SBF1: variants seen among roughly 807,000 people sequenced by gnomAD.
The protein encoded by SBF1 is myotubularin-related protein 5.
Under a neutral mutation model 215.8 loss-of-function variants are expected in SBF1, and 65 were observed. The observed-to-expected ratio is 0.30, with a 90% CI of 0.25 to 0.37. The LOEUF is 0.37. SBF1 is among the 10% of genes least tolerant of loss of function. The pLI is 1.00. For synonymous variants in SBF1, 1,410 were observed against 1,122.8 expected (o/e 1.26, Z -5.11); for missense variants, 2,634 against 2,667.8 (o/e 0.99, Z 0.28).
In SBF1 at chr22:50,446,526, G is replaced by A. The variant is rs2148546047; in HGVS notation, c.*616C>T. ...GGTCAGCTTCTGCATCCCCTGGGTA[G>A]GGATGGGGGCTTCCTCTCCAGCCGT... On this transcript the variant is annotated 3_prime_UTR_variant, in exon 41 of 41. Transcript: ENST00000380817. The A allele has an allele frequency of 3.8e-6, 1 of 263,350 alleles. No individual in the cohort carries two copies. Among genetic ancestry groups the A allele is most frequent in the South Asian group, 3.8e-5 (1 of 25,988 alleles). The allele number at this position is 263,350 out of a possible 1,614,324, so 16.3% of individuals were successfully genotyped here. A position where few individuals can be genotyped will look rare whatever the true frequency, so the allele number is the denominator to read the frequency against.
rs370648862 is a variant in SBF1, at chr22:50,465,136, G to A, written c.1204-7C>T. ...GCTGGCCCAGGAAGGCTGCCTGGAT[G>A]ACAGAAGGAGGTCGGTCCCTCAGGG... On this transcript the variant is annotated splice_polypyrimidine_tract_variant and splice_region_variant and intron_variant, in intron 11 of 40. Transcript: ENST00000380817. 5.6e-6 allele frequency: 9 copies of A among 1,613,982 alleles called. No individual in the cohort carries two copies. Among genetic ancestry groups the A allele is most frequent in the Non-Finnish European group, 6.8e-6 (8 of 1,179,980 alleles).
At position 50,460,412 on chromosome 22, in the gene SBF1, A is replaced by G. The variant is rs1012792442; in HGVS notation, c.3147-4T>C. On this transcript the variant is annotated splice_polypyrimidine_tract_variant and splice_region_variant and intron_variant, in intron 24 of 40. Coordinates refer to ENST00000380817, the MANE Select transcript of SBF1 (RefSeq NM_002972.4). The stretch of plus-strand genomic sequence containing the variant: ...GACCAGGTTCCGGGACAGGGTTCTG[A>G]GGCCCACGAGAGTCAGCAAAGGTGA... 1 of 1,608,304 alleles carries G rather than the reference A, an allele frequency of 6.2e-7. No homozygotes were observed. The highest frequency in any genetic ancestry group is 8.5e-7 in the Non-Finnish European group (1 of 1,176,414).
Position 50,448,442 on chromosome 22 carries a change from G to C in SBF1, c.5154C>G (p.Gly1718=). 1 of 1,613,566 alleles carries C rather than the reference G, an allele frequency of 6.2e-7. No individual in the cohort carries two copies. The highest frequency in any genetic ancestry group is 8.5e-7 in the Non-Finnish European group (1 of 1,179,852). ...TGGACACAAGGAGGGAGCTAGGGGT[G>C]CCCTGGGAACAGGAGGTTGGGACTT... ...QRLEGRPDGR[G]TPSSLLVSTA... is the part of the protein sequence containing the mutation. The change falls in exon 38 of 41, where the codon GGC becomes GGG. Residue 1718 remains glycine (G), a splice_region_variant and synonymous_variant. Transcript: ENST00000380817.
chr22:50,473,680 G>A (rs1031412464), intron 1 of SBF1, among the ~76,000 whole-genome samples: 1 of 152,096 alleles, frequency 6.6e-6, no homozygotes, highest in African/African-American at 2.4e-5. Context: ...TCCTTGGTGG[G>A]GACAGTGACA....
chr22:50,454,483 G>A (rs377054797), intron 36 of SBF1, 29 bp downstream of exon 36: 10 of 1,576,610 alleles, frequency 6.3e-6, no homozygotes, highest in Middle Eastern at 3.4e-4. Flanking sequence ...GGGGTGCCAG[G>A]CCAGACCCTG....
At chr22:50,464,257 A>C in intron 15 of SBF1, 72 bp downstream of exon 15, 1 of 1,275,496 alleles carries the variant, frequency 7.8e-7, no homozygotes, top group South Asian at 1.3e-5. Flanking sequence ...AGCACTCACA[A>C]GGGTGAAGTG....
In SBF1 at chr22:50,455,586, C is replaced by G. The variant is rs2067214817; in HGVS notation, c.4267-4G>C. 6.4e-6 allele frequency: 10 copies of G among 1,565,768 alleles called. No homozygotes were observed. Among genetic ancestry groups the G allele is most frequent in the Non-Finnish European group, 8.7e-6 (10 of 1,155,334 alleles). On this transcript the variant is annotated splice_region_variant and splice_polypyrimidine_tract_variant and intron_variant, in intron 31 of 40. Coordinates refer to ENST00000380817, the MANE Select transcript of SBF1 (RefSeq NM_002972.4). ...ACACCTGCAGCAGCTTGTGGATCTG[C>G]AGGGACAGGCGGCCTCAGCACCTCG...
intron 15 of SBF1, among the ~76,000 whole-genome samples, 185 bp from the exon 16 acceptor site, chr22:50,463,617 A>C (rs1335884447): frequency 1.3e-5 from 2 of 152,220 alleles, no homozygotes; most frequent in Non-Finnish European, 2.9e-5. Context: ...CACAAGTACA[A>C]GTTCACCAGG....
chr22:50,468,388 C>T lies in SBF1; in HGVS notation c.129G>A (p.Gln43=). ...EKDWEDNPFP[Q]GIELFCQPSG... is the part of the protein sequence containing the mutation. ...GCCCCCAACTCACCAGCTCGATGCC[C>T]TGGGGGAATGGGTTGTCCTCCCAGT... The change falls in exon 2 of 41, where the codon CAG becomes CAA. Residue 43 remains glutamine (Q), a synonymous_variant. Transcript: ENST00000380817. The T allele has an allele frequency of 1.2e-6, 2 of 1,613,096 alleles. No individual in the cohort carries two copies. Among genetic ancestry groups the T allele is most frequent in the Non-Finnish European group, 1.7e-6 (2 of 1,179,484 alleles).
intron 1 of SBF1, among the ~76,000 whole-genome samples, 184 bp downstream of exon 1, chr22:50,474,602 C>G (rs2068108899): frequency 6.6e-6 from 1 of 151,034 alleles, no homozygotes; most frequent in South Asian, 2.1e-4. Flanking sequence ...CTCCCCCGAC[C>G]CCGGCCCTCA....
Position 50,455,502 on chromosome 22 carries a change from A to G in SBF1, c.4347T>C (p.Asp1449=), listed in dbSNP as rs776566191. 6.2e-7 allele frequency: 1 copy of G among 1,608,224 alleles called. No individual in the cohort carries two copies. Among genetic ancestry groups the G allele is most frequent in the South Asian group, 1.1e-5 (1 of 90,436 alleles). ...SGSSVLVGLE[D]GWDITTQVVS... ...ACACCTGGGTGGTGATGTCCCAGCCATCCTCCAGGCCCACCAGCACGGAGG... is the reference window on the plus strand; with the variant it reads ...ACACCTGGGTGGTGATGTCCCAGCCGTCCTCCAGGCCCACCAGCACGGAGG... The change falls in exon 32 of 41, where the codon GAT becomes GAC. Residue 1449 remains aspartate, a synonymous_variant. Transcript: ENST00000380817.
At position 50,461,551 on chromosome 22, in the gene SBF1, G is replaced by A. The variant is rs1211813129; in HGVS notation, c.2811C>T (p.Ile937=). Residue 937 remains isoleucine, a synonymous_variant, in exon 22 of 41, where the codon ATC becomes ATT. Coordinates refer to ENST00000380817, the MANE Select transcript of SBF1 (RefSeq NM_002972.4). ...GGGGGTCCGTGGGCATCCCCGTGAA[G>A]ATGACCCGGTACGTGGTGAGGAAGA... ...GAVFLTTYRV[I]FTGMPTDPLV... The A allele has an allele frequency of 4.4e-6, 7 of 1,606,108 alleles. No homozygotes were observed. The South Asian group carries it at 7.7e-5, about 18-fold the overall frequency.
chr22:50,451,570 A>C (rs761742991), intron 36 of SBF1, among the ~76,000 whole-genome samples: 2 of 152,156 alleles, frequency 1.3e-5, no homozygotes, highest in Non-Finnish European at 1.5e-5. Context: ...AATGGCTTGA[A>C]ATGTATTAAA....
chr22:50,452,244 A>G (rs1314232120), intron 36 of SBF1, among the ~76,000 whole-genome samples: 4 of 152,148 alleles, frequency 2.6e-5, no homozygotes, highest in African/African-American at 9.7e-5. Context: ...CAGATAAACA[A>G]AAGCTGAGGG....
intron 5 of SBF1, 63 bp downstream of exon 5, chr22:50,467,275 C>A (rs1275746010): frequency 1.4e-6 from 2 of 1,400,402 alleles, no homozygotes; most frequent in Non-Finnish European, 2.0e-6. Context: ...GCTCCAAATA[C>A]CTACCAGGGC....
intron 28 of SBF1, among the ~76,000 whole-genome samples, chr22:50,457,590 G>A (rs1167474006): frequency 1.3e-5 from 2 of 152,244 alleles, no homozygotes; most frequent in Admixed American, 6.5e-5. Context: ...GAGGCTTCCC[G>A]AAGAGGGGAG....
chr22:50,451,236 G>A (rs1219932414), intron 36 of SBF1, among the ~76,000 whole-genome samples: 1 of 149,392 alleles, frequency 6.7e-6, no homozygotes, highest in Non-Finnish European at 1.5e-5. Context: ...GGCAACTCAA[G>A]AGGCTGAATG....
Position 50,466,133 on chromosome 22 carries a change from C to T in SBF1, c.897+17G>A. Reference sequence around the variant, plus strand: ...GCAGGCCTGGGCCGTGAGGTGGACACAAAGCACAGCCCTTACCAGCTCCTG... The same window carrying T: ...GCAGGCCTGGGCCGTGAGGTGGACATAAAGCACAGCCCTTACCAGCTCCTG... On this transcript the variant is annotated intron_variant, in intron 8 of 40. Transcript: ENST00000380817. The T allele has an allele frequency of 6.2e-7, 1 of 1,613,522 alleles. No individual in the cohort carries two copies. The highest frequency in any genetic ancestry group is 1.3e-5 in the African/African-American group (1 of 75,068).
At chr22:50,467,476 G>A (rs2067818113) in intron 4 of SBF1, 28 bp from the exon 5 acceptor site, 1 of 1,613,836 alleles carries the variant, frequency 6.2e-7, no homozygotes, top group Non-Finnish European at 8.5e-7. Context: ...GGGAGTGGTG[G>A]GACAGCCGAT....
Sources: gnomAD v4.1 joint callset for allele counts (sites outside exome capture counted in the v4.1 genomes callset) on GRCh38, gnomAD v4.1.1 for gene constraint, MANE v1.5 for transcripts, NCBI Gene and HGNC (gene_info 2026-07-23, HGNC 2026-07-21) for gene names.